The following TCF4 variants were observed in gnomAD, a reference collection of about 807,000 sequenced individuals.
The protein encoded by TCF4 is transcription factor 4, also known as SL3-3 enhancer factor 2.
A neutral mutation model predicts 82.1 loss-of-function variants in TCF4; 3 were observed. That is an observed-to-expected ratio of 0.04 (90% CI 0.02 to 0.09). The LOEUF (loss-of-function observed/expected upper bound fraction) is 0.09. TCF4 is among the 10% of genes least tolerant of loss of function. The pLI is 1.00. For synonymous variants in TCF4, 276 were observed against 309.6 expected (o/e 0.89, Z 1.14); for missense variants, 518 against 852.7 (o/e 0.61, Z 4.89).
chr18:55,340,694 C>G (rs754607011), intron 8 of TCF4, among the ~76,000 whole-genome samples: 3 of 151,550 alleles, frequency 2.0e-5, no homozygotes, highest in Admixed American at 6.6e-5. Context: ...AGTTTCTATT[C>G]TACTGCTAAC....
At chr18:55,304,511 A>T (rs1191383496) in intron 8 of TCF4, among the ~76,000 whole-genome samples, 1 of 152,178 alleles carries the variant, frequency 6.6e-6, no homozygotes, top group Non-Finnish European at 1.5e-5. Context: ...AAACAATATC[A>T]TGCATTTCTT....
At chr18:55,558,746 G>T (rs902096005) in intron 3 of TCF4, among the ~76,000 whole-genome samples, 2 of 151,998 alleles carry the variant, frequency 1.3e-5, no homozygotes, top group Non-Finnish European at 2.9e-5. Flanking sequence ...GGTTTCCATG[G>T]GGCATTTCTC....
chr18:55,450,972 A>C (rs1203198193), intron 5 of TCF4, among the ~76,000 whole-genome samples: 3 of 152,202 alleles, frequency 2.0e-5, no homozygotes, highest in Admixed American at 2.0e-4. Flanking sequence ...GCTGTAGGCA[A>C]ATATTTCACA....
chr18:55,561,545 T>A (rs930582597), intron 3 of TCF4, among the ~76,000 whole-genome samples: 1 of 152,206 alleles, frequency 6.6e-6, no homozygotes, highest in African/African-American at 2.4e-5. Context: ...TTGTCCATAA[T>A]GATCTTCCTA....
chr18:55,465,419 T>C (rs932474466), intron 3 of TCF4, among the ~76,000 whole-genome samples: 5 of 147,698 alleles, frequency 3.4e-5, no homozygotes, highest in Non-Finnish European at 7.5e-5. Flanking sequence ...TAACTTCTCT[T>C]TTTTTTTTTA....
At chr18:55,590,343 A>G (rs149324531), upstream of TCF4, among the ~76,000 whole-genome samples, 300 of 151,976 alleles carry the variant, frequency 2.0e-3, 6 homozygotes, top group East Asian at 0.031. Context: ...CTCTCCTCCA[A>G]CTCCCCCACC....
intron 3 of TCF4, among the ~76,000 whole-genome samples, chr18:55,527,713 T>C (rs1030512925): frequency 4.6e-5 from 7 of 152,296 alleles, no homozygotes; most frequent in East Asian, 1.9e-4. Flanking sequence ...GAGAGTTCTT[T>C]TTAGGAAACC....
intron 1 of TCF4, among the ~76,000 whole-genome samples, 200 bp downstream of exon 1, chr18:55,587,838 G>T (rs904047829): frequency 8.9e-5 from 13 of 146,202 alleles, no homozygotes; most frequent in African/African-American, 3.2e-4. Context: ...CCTCCGAGGG[G>T]GCATCAAGGG....
intron 15 of TCF4, among the ~76,000 whole-genome samples, chr18:55,244,174 C>T (rs1181782810): frequency 6.6e-6 from 1 of 152,174 alleles, no homozygotes; most frequent in East Asian, 1.9e-4. Flanking sequence ...CTGACGTGCA[C>T]TGGCCTTTAG....
At chr18:55,624,932 C>CAGT (rs2097725008) in intron 2 of TCF4, among the ~76,000 whole-genome samples, 1 of 152,124 alleles carries the variant, frequency 6.6e-6, no homozygotes, top group Non-Finnish European at 1.5e-5. Flanking sequence ...ATCCTAGTAC[C>CAGT]AGTCCTCACT....
rs2046461443 is a variant in TCF4, at chr18:55,225,408, A to G, written c.*2627T>C. 1 of 152,612 alleles carries G rather than the reference A, an allele frequency of 6.6e-6. No individual in the cohort carries two copies. Among genetic ancestry groups the G allele is most frequent in the South Asian group, 2.1e-4 (1 of 4,834 alleles). The allele number at this position is 152,612 out of a possible 1,614,324, so 9.5% of individuals were successfully genotyped here. On this transcript the variant is annotated 3_prime_UTR_variant, in exon 20 of 20. Coordinates refer to ENST00000354452, the MANE Select transcript of TCF4 (RefSeq NM_001083962.2). ...CTCTATTAAGCACCTTTATGATAAC[A>G]TGTATCAAAAGTGCCATTCTTAAAA...
At chr18:55,380,319 T>C (rs140367860) in intron 6 of TCF4, among the ~76,000 whole-genome samples, 4,320 of 152,168 alleles carry the variant, frequency 0.028, 208 homozygotes, top group African/African-American at 0.097. Flanking sequence ...GTGCAGAATG[T>C]GCAGGTTTGT....
At chr18:55,303,226 T>TACACACACACACACACACAC (rs74180496) in intron 8 of TCF4, among the ~76,000 whole-genome samples, 1 of 135,988 alleles carries the variant, frequency 7.4e-6, no homozygotes, top group African/African-American at 2.8e-5. Flanking sequence ...TCCCAGTACG[T>TACACACACACACACACACAC]ACACACACAC....
At chr18:55,541,026 A>G (rs2097161003) in intron 3 of TCF4, among the ~76,000 whole-genome samples, 1 of 152,030 alleles carries the variant, frequency 6.6e-6, no homozygotes, top group Admixed American at 6.6e-5. Flanking sequence ...TCTTTCATAT[A>G]GTGAGTTCCA....
chr18:55,595,405 C>T (rs1380606028), intron 2 of TCF4, among the ~76,000 whole-genome samples: 2 of 152,150 alleles, frequency 1.3e-5, no homozygotes, highest in East Asian at 1.9e-4. Context: ...GTGCATGTTC[C>T]CCCTTTAAAG....
chr18:55,450,746 C>G (rs1157673209), intron 5 of TCF4, among the ~76,000 whole-genome samples: 1 of 152,126 alleles, frequency 6.6e-6, no homozygotes, highest in Non-Finnish European at 1.5e-5. Context: ...AAAACATTCC[C>G]AAGAATATGG....
chr18:55,244,637 T>C (rs2052460286), intron 15 of TCF4, among the ~76,000 whole-genome samples: 1 of 152,222 alleles, frequency 6.6e-6, no homozygotes, highest in African/African-American at 2.4e-5. Context: ...GCCTCTGAAG[T>C]CTTTCTCACT....
At chr18:55,395,998 G>C (rs4801149) in intron 6 of TCF4, among the ~76,000 whole-genome samples, 38,101 of 151,940 alleles carry the variant, frequency 0.25, 5,043 homozygotes, top group East Asian at 0.48. Context: ...TTTCCCTACT[G>C]ACTGTTCAGA....
chr18:55,467,359 G>A (rs1352243025), intron 3 of TCF4, among the ~76,000 whole-genome samples: 2 of 152,116 alleles, frequency 1.3e-5, no homozygotes, highest in African/African-American at 2.4e-5. Flanking sequence ...ATTTCAAAGT[G>A]TATCCGCCAC....
Sources: gnomAD v4.1 joint callset for allele counts (sites outside exome capture counted in the v4.1 genomes callset) on GRCh38, gnomAD v4.1.1 for gene constraint, MANE v1.5 for transcripts, NCBI Gene and HGNC (gene_info 2026-07-23, HGNC 2026-07-21) for gene names.